MLLT3: variants seen among roughly 807,000 people sequenced by gnomAD.
MLLT3 encodes MLLT3 super elongation complex subunit, also known as protein AF-9.
Under a neutral mutation model 53.2 loss-of-function variants are expected in MLLT3, and 4 were observed. The observed-to-expected ratio is 0.08, with a 90% CI of 0.04 to 0.17. The LOEUF (loss-of-function observed/expected upper bound fraction) is 0.17, where lower values mean the gene tolerates loss of function less well. MLLT3 is among the 10% of genes least tolerant of loss of function. The probability of loss-of-function intolerance (pLI) is 1.00; values close to 1 mark genes in which losing one functional copy is unlikely to be tolerated. For missense variants in MLLT3, 569 were observed against 684.0 expected (o/e 0.83, Z 1.87); for synonymous variants, 283 against 230.6 (o/e 1.23, Z -2.06).
At chr9:20,599,156 T>C (rs1820351040) in intron 2 of MLLT3, among the ~76,000 whole-genome samples, 1 of 151,960 alleles carries the variant, frequency 6.6e-6, no homozygotes, top group Non-Finnish European at 1.5e-5. Flanking sequence ...ATACAAAAAT[T>C]AGCTGGGCAT....
intron 2 of MLLT3, among the ~76,000 whole-genome samples, chr9:20,461,036 A>T (rs943868235): frequency 6.6e-5 from 10 of 152,084 alleles, no homozygotes; most frequent in Non-Finnish European, 1.3e-4. Context: ...TCTCCTCTCC[A>T]TCCACACATT....
chr9:20,420,594 GT>G (rs1822984482), intron 4 of MLLT3, among the ~76,000 whole-genome samples: 1 of 152,146 alleles, frequency 6.6e-6, no homozygotes, highest in Non-Finnish European at 1.5e-5. Flanking sequence ...ATATATCTTT[GT>G]CATAAATTGA....
chr9:20,500,860 C>A lies in MLLT3; in HGVS notation c.194-44074G>T, dbSNP rs1005864942. 1.4e-4 allele frequency among the ~76,000 whole-genome samples: 22 copies of A among 152,306 alleles called. 1 individual carries two copies. Among genetic ancestry groups the A allele is most frequent in the East Asian group, 3.9e-4 (2 of 5,176 alleles). ...TGATGCACAGCTGCATCATTTTCAA[C>A]TCCCTCCAGTTCAATGTCTTCTTTA... is the stretch of plus-strand genomic sequence containing the variant. On this transcript the variant is annotated intron_variant, in intron 2 of 10. Transcript: ENST00000380338.
chr9:20,525,126 T>TAAAAA (rs757232208), intron 2 of MLLT3, among the ~76,000 whole-genome samples: 4 of 56,128 alleles, frequency 7.1e-5, no homozygotes, highest in African/African-American at 2.1e-4. Flanking sequence ...GAAGAAAGAC[T>TAAAAA]AAAAAAAAAA....
chr9:20,439,090 C>T (rs969103782), intron 4 of MLLT3, among the ~76,000 whole-genome samples: 1 of 152,108 alleles, frequency 6.6e-6, no homozygotes, highest in Non-Finnish European at 1.5e-5. Flanking sequence ...TGCGGTGGCT[C>T]ACATCTGTAA....
At chr9:20,577,881 T>C (rs2131170886) in intron 2 of MLLT3, among the ~76,000 whole-genome samples, 1 of 152,324 alleles carries the variant, frequency 6.6e-6, no homozygotes, top group African/African-American at 2.4e-5. Context: ...GACATAGCAG[T>C]TTTCCTGGCT....
At chr9:20,375,755 C>T (rs1390868087) in intron 5 of MLLT3, among the ~76,000 whole-genome samples, 2 of 151,726 alleles carry the variant, frequency 1.3e-5, no homozygotes, top group African/African-American at 4.8e-5. Context: ...ACCACAGGCA[C>T]CTGCCACCAC....
chr9:20,611,410 A>G (rs1172396962), intron 2 of MLLT3, among the ~76,000 whole-genome samples: 1 of 152,148 alleles, frequency 6.6e-6, no homozygotes, highest in Non-Finnish European at 1.5e-5. Flanking sequence ...TGCTTTTAAA[A>G]ATCAATATAC....
At position 20,365,677 on chromosome 9, in the gene MLLT3, C is replaced by T. The variant is rs769485825; in HGVS notation, c.1193G>A (p.Arg398Lys). The T allele has an allele frequency of 1.2e-6, 2 of 1,614,106 alleles. No homozygotes were observed. The highest frequency in any genetic ancestry group is 1.7e-6 in the Non-Finnish European group (2 of 1,180,020). The part of the protein sequence containing the change: ...SSSSFTPSQT[R>K]QQGPLRSIMK... ...GCATGAGATGTTGATACCTTGTTGC[C>T]TGGTCTGGGATGGTGTGAAGCTGGA... The change falls in exon 6 of 11, where the codon AGG becomes AAG. Residue 398 changes from arginine to lysine, a missense_variant. By Grantham distance (26) the Arg-to-Lys change is conservative. Coordinates refer to ENST00000380338, the MANE Select transcript of MLLT3 (RefSeq NM_004529.4).
intron 5 of MLLT3, among the ~76,000 whole-genome samples, chr9:20,389,677 G>A (rs1822136346): frequency 6.6e-6 from 1 of 152,070 alleles, no homozygotes; most frequent in Admixed American, 6.5e-5. Context: ...CTACTCAAGA[G>A]GCTAAGGCAG....
chr9:20,542,160 A>G (rs1280005219), intron 2 of MLLT3, among the ~76,000 whole-genome samples: 2 of 152,114 alleles, frequency 1.3e-5, no homozygotes, highest in Non-Finnish European at 2.9e-5. Flanking sequence ...GTTGCCAGGC[A>G]AGAAAATAGT....
intron 2 of MLLT3, among the ~76,000 whole-genome samples, chr9:20,514,717 C>A (rs918776748): frequency 6.6e-6 from 1 of 151,942 alleles, no homozygotes; most frequent in African/African-American, 2.4e-5. Context: ...ACTGTTAGGG[C>A]TTTATTTGTT....
Position 20,413,917 on chromosome 9 carries a change from A to T in MLLT3, c.929T>A (p.Phe310Tyr), listed in dbSNP as rs758795355. 3.5e-5 allele frequency: 57 copies of T among 1,613,366 alleles called. No homozygotes were observed. Among genetic ancestry groups the T allele is most frequent in the Non-Finnish European group, 4.8e-5 (57 of 1,179,910 alleles). ...GAGTATCAGTGGTGGTGCGCTAGAA[A>T]AACTTTTAAATAAAGCCTCTGAGCT... ...KSSSEALFKS[F>Y]SSAPPLILTC... Residue 310 changes from phenylalanine to tyrosine, a missense_variant, in exon 5 of 11, where the codon TTT (phenylalanine) becomes TAT (tyrosine). This residue lies in a region of MLLT3 where 437 missense variants were observed against 376.5 expected (regional missense o/e 1.16). Coordinates refer to ENST00000380338, the MANE Select transcript of MLLT3 (RefSeq NM_004529.4).
intron 2 of MLLT3, among the ~76,000 whole-genome samples, chr9:20,487,312 G>T (rs2118915668): frequency 6.6e-6 from 1 of 152,176 alleles, no homozygotes; most frequent in South Asian, 2.1e-4. Flanking sequence ...ACTATCCAAG[G>T]CTAAAATCTT....
rs1177517093 is a variant in MLLT3, at chr9:20,414,333, GCTGCTGCTGCTA to G, written c.501_512del (p.Ser187_Ser190del). On this transcript the variant is annotated inframe_deletion, in exon 5 of 11. Transcript: ENST00000380338. The stretch of plus-strand genomic sequence containing the variant: ...TGCTACTGCTGCTGCTGCTGCTGCT[GCTGCTGCTGCTA>G]CTGCTGCTGCTGCTGCTGCTGCTGC... 1.2e-4 allele frequency: 195 copies of G among 1,606,026 alleles called. No individual in the cohort carries two copies. Among genetic ancestry groups the G allele is most frequent in the African/African-American group, 3.4e-4 (25 of 74,528 alleles).
At chr9:20,580,361 C>CTT (rs1036383786) in intron 2 of MLLT3, among the ~76,000 whole-genome samples, 1 of 145,932 alleles carries the variant, frequency 6.9e-6, no homozygotes, top group Non-Finnish European at 1.5e-5. Flanking sequence ...GTTAACTTGA[C>CTT]TTTTTTTTTT....
At chr9:20,483,128 A>C (rs1016275713) in intron 2 of MLLT3, among the ~76,000 whole-genome samples, 3 of 152,190 alleles carry the variant, frequency 2.0e-5, no homozygotes, top group African/African-American at 7.2e-5. Flanking sequence ...AGACTCTTAA[A>C]AGCTAACTAG....
intron 2 of MLLT3, among the ~76,000 whole-genome samples, chr9:20,566,779 A>C (rs1456759314): frequency 6.6e-6 from 1 of 152,152 alleles, no homozygotes; most frequent in African/African-American, 2.4e-5. Context: ...GCCCATGCTC[A>C]TCTGAGATTA....
intron 10 of MLLT3, among the ~76,000 whole-genome samples, chr9:20,353,272 A>G (rs1321204929): frequency 6.6e-6 from 1 of 152,150 alleles, no homozygotes; most frequent in African/African-American, 2.4e-5. Context: ...ACTACAATCC[A>G]GTATCACTTC....
Sources: gnomAD v4.1 joint callset for allele counts (sites outside exome capture counted in the v4.1 genomes callset) on GRCh38, gnomAD v4.1.1 for gene constraint, gnomAD v4.1.1 regional missense constraint, MANE v1.5 for transcripts, NCBI Gene and HGNC (gene_info 2026-07-23, HGNC 2026-07-21) for gene names.